The following GPR160 variants were observed in gnomAD, a reference collection of about 807,000 sequenced individuals.
The protein encoded by GPR160 is G protein-coupled receptor 160, also known as probable G protein-coupled receptor 160.
In GPR160, 2 loss-of-function variants were observed where a neutral mutation model predicts 2.6. That is an observed-to-expected ratio of 0.77 (90% CI 0.32 to 2.44). The LOEUF is 2.44. Among genes scored for constraint, GPR160 ranks in the 30% most tolerant of loss-of-function variants. GPR160 has a pLI of 0.11. For synonymous variants in GPR160, 130 were observed against 132.2 expected (o/e 0.98, Z 0.12); for missense variants, 351 against 383.6 (o/e 0.91, Z 0.71).
intron 2 of GPR160, among the ~76,000 whole-genome samples, chr3:170,059,894 G>A (rs1054585382): frequency 2.6e-5 from 4 of 152,028 alleles, no homozygotes; most frequent in South Asian, 4.2e-4. Flanking sequence ...ATGTGTCCAC[G>A]TGGGAACCAG....
chr3:170,042,060 G>C (rs917866431), intron 2 of GPR160, among the ~76,000 whole-genome samples: 5 of 152,196 alleles, frequency 3.3e-5, no homozygotes, highest in Admixed American at 1.3e-4. Flanking sequence ...TGATAGGAAA[G>C]AGTGTTGGCA....
At chr3:170,077,563 G>T (rs540130099) in intron 2 of GPR160, 1 of 152,282 alleles carries the variant, frequency 6.6e-6, no homozygotes, top group East Asian at 1.9e-4. Context: ...ACGTGTAGGA[G>T]AATTTATCTT....
intron 2 of GPR160, among the ~76,000 whole-genome samples, chr3:170,039,601 G>A (rs987555891): frequency 6.6e-6 from 1 of 152,176 alleles, no homozygotes; most frequent in Admixed American, 6.5e-5. Context: ...CCGGCTACTC[G>A]GGAAGGCTGA....
chr3:170,065,586 T>C (rs1297650306), intron 2 of GPR160, among the ~76,000 whole-genome samples: 1 of 152,244 alleles, frequency 6.6e-6, no homozygotes, highest in African/African-American at 2.4e-5. Flanking sequence ...CCTAAGAACT[T>C]CATGTGAGTA....
At chr3:170,080,366 A>G (rs1047853142) in intron 3 of GPR160, among the ~76,000 whole-genome samples, 44 of 152,138 alleles carry the variant, frequency 2.9e-4, no homozygotes, top group African/African-American at 1.0e-3. Flanking sequence ...AATTGGCCAA[A>G]ATCTTGTTTT....
chr3:170,051,116 A>G (rs1290432984), intron 2 of GPR160, among the ~76,000 whole-genome samples: 1 of 152,206 alleles, frequency 6.6e-6, no homozygotes, highest in Non-Finnish European at 1.5e-5. Flanking sequence ...TCTTGCCAAC[A>G]TTTGAAATTG....
At chr3:170,055,925 C>T (rs1346262860) in intron 2 of GPR160, among the ~76,000 whole-genome samples, 4 of 152,216 alleles carry the variant, frequency 2.6e-5, no homozygotes, top group Admixed American at 2.6e-4. Flanking sequence ...TGAGCCACTG[C>T]GCCCGGCCTT....
chr3:170,059,841 C>T (rs190298710), intron 2 of GPR160, among the ~76,000 whole-genome samples: 3 of 152,100 alleles, frequency 2.0e-5, no homozygotes, highest in South Asian at 4.2e-4. Context: ...TTCTTCCCCC[C>T]ACTCCCCCCT....
chr3:170,045,975 C>A (rs1028691331), intron 2 of GPR160, among the ~76,000 whole-genome samples: 1 of 152,188 alleles, frequency 6.6e-6, no homozygotes, highest in Non-Finnish European at 1.5e-5. Context: ...GATTCAGTGG[C>A]ACGTCAAGTG....
At chr3:170,042,828 T>TAAAAAAA (rs763216364) in intron 2 of GPR160, among the ~76,000 whole-genome samples, 1 of 107,998 alleles carries the variant, frequency 9.3e-6, no homozygotes, top group African/African-American at 3.6e-5. Flanking sequence ...CTCTCTCTCT[T>TAAAAAAA]AAAAAAAAAA....
At chr3:170,062,351 C>T (rs1191731695) in intron 2 of GPR160, 1 of 287,128 alleles carries the variant, frequency 3.5e-6, no homozygotes, top group Non-Finnish European at 6.7e-6. Flanking sequence ...GGCGCTGCAC[C>T]GACGTTGGGG....
rs765749059 is a variant in GPR160, at chr3:170,085,021, G to A, written c.*32G>A. The A allele has an allele frequency of 8.6e-6, 10 of 1,167,232 alleles. No homozygotes were observed. In the South Asian group the frequency reaches 1.7e-4, roughly 20 times the overall value. 72.3% of individuals were successfully genotyped at this position (1,167,232 alleles called of 1,614,324 possible). On this transcript the variant is annotated 3_prime_UTR_variant, in exon 4 of 4. Transcript: ENST00000355897. ...TAATTAAAAGTTACAGCTGTCATAA[G>A]ATCATAATTTTATGAACAGAAAGAA...
chr3:170,049,403 T>C (rs544242269), intron 2 of GPR160, among the ~76,000 whole-genome samples: 1 of 152,336 alleles, frequency 6.6e-6, no homozygotes, highest in South Asian at 2.1e-4. Flanking sequence ...TGGGCTATTA[T>C]AAGTATGCCA....
intron 2 of GPR160, among the ~76,000 whole-genome samples, chr3:170,053,749 G>A (rs1172779950): frequency 6.6e-6 from 1 of 152,066 alleles, no homozygotes; most frequent in East Asian, 1.9e-4. Context: ...TCCTTATCAG[G>A]TTGAGGAAAC....
intron 2 of GPR160, among the ~76,000 whole-genome samples, chr3:170,053,631 G>A (rs367613061): frequency 9.3e-4 from 142 of 152,228 alleles, no homozygotes; most frequent in African/African-American, 3.3e-3. Flanking sequence ...AAAATGTTGA[G>A]TAGATGTAGT....
At chr3:170,070,831 G>C (rs1277994179) in intron 2 of GPR160, among the ~76,000 whole-genome samples, 1 of 152,182 alleles carries the variant, frequency 6.6e-6, no homozygotes, top group Non-Finnish European at 1.5e-5. Context: ...CCTGCTATTG[G>C]AGATTTACAT....
intron 3 of GPR160, among the ~76,000 whole-genome samples, chr3:170,080,840 A>G (rs921642886): frequency 8.5e-5 from 13 of 152,108 alleles, no homozygotes; most frequent in African/African-American, 2.7e-4. Flanking sequence ...AGCTGGAACT[A>G]TAGGCCCCCA....
At position 170,084,349 on chromosome 3, in the gene GPR160, A is replaced by G. The variant is rs1198480507; in HGVS notation, c.377A>G (p.Lys126Arg). 6.2e-7 allele frequency: 1 copy of G among 1,609,542 alleles called. No individual in the cohort carries two copies. Among genetic ancestry groups the G allele is most frequent in the South Asian group, 1.1e-5 (1 of 90,440 alleles). Residue 126 changes from lysine to arginine, a missense_variant, in exon 4 of 4, where the codon AAA becomes AGA. Transcript: ENST00000355897. ...ACIDYCLNFS[K>R]TTKLSFKCQK... ...ATAGATTATTGCCTGAATTTCTCTA[A>G]AACAACCAAGCTTTCATTTAAGTGT...
At chr3:170,065,488 A>G (rs1034114291) in intron 2 of GPR160, among the ~76,000 whole-genome samples, 1 of 152,164 alleles carries the variant, frequency 6.6e-6, no homozygotes. Flanking sequence ...CTTCTCTTCT[A>G]ATGCATCCCA....
Sources: allele counts gnomAD v4.1 joint callset (sites outside exome capture counted in the v4.1 genomes callset), GRCh38; gene constraint gnomAD v4.1.1; transcripts MANE v1.5; gene names NCBI Gene and HGNC (gene_info 2026-07-23, HGNC 2026-07-21).